The following ACSF2 variants were observed in gnomAD, a reference collection of about 807,000 sequenced individuals.
ACSF2 encodes medium-chain acyl-CoA ligase ACSF2, mitochondrial.
In ACSF2, 52 loss-of-function variants were observed where a neutral mutation model predicts 79.3. The observed-to-expected ratio is 0.66, with a 90% confidence interval of 0.53 to 0.83. ACSF2 has a LOEUF of 0.83. Among genes scored for constraint, ACSF2 ranks in the 40% least tolerant of loss-of-function variants. ACSF2 has a pLI of 0.00. For synonymous variants in ACSF2, 283 were observed against 312.6 expected, an observed-to-expected ratio of 0.91 and a Z score of 1.00; for missense variants, 661 against 803.3, an observed-to-expected ratio of 0.82 and a Z score of 2.14.
At chr17:50,451,078 A>G (rs962205676) in intron 1 of ACSF2, among the ~76,000 whole-genome samples, 3 of 152,168 alleles carry the variant, frequency 2.0e-5, no homozygotes, top group African/African-American at 7.2e-5. Flanking sequence ...CTGGGACTAC[A>G]GGTGTGCACC....
At position 50,473,938 on chromosome 17, in the gene ACSF2, C is replaced by A; in HGVS notation, c.1662C>A (p.Ala554=). ...ATCGGATGGGGGAAGAGATTTGTGC[C>A]TGCATTCGGCTGAAGGACGGGGAGG... ...KDDRMGEEIC[A]CIRLKDGEET... The change falls in exon 14 of 16, where the codon GCC becomes GCA. Residue 554 remains alanine (A), a synonymous_variant. Coordinates refer to ENST00000300441, the MANE Select transcript of ACSF2 (RefSeq NM_025149.6). 1 of 1,564,574 alleles carries A rather than the reference C, an allele frequency of 6.4e-7. No individual in the cohort carries two copies. The highest frequency in any genetic ancestry group is 8.7e-7 in the Non-Finnish European group (1 of 1,153,540).
At chr17:50,461,949 T>C (rs7342933) in intron 4 of ACSF2, among the ~76,000 whole-genome samples, 3 of 150,324 alleles carry the variant, frequency 2.0e-5, no homozygotes, top group Non-Finnish European at 4.4e-5. Context: ...TGTGTGTGTG[T>C]GTGCGTGTGT....
chr17:50,446,870 C>T (rs2031337235), intron 1 of ACSF2, among the ~76,000 whole-genome samples: 1 of 152,048 alleles, frequency 6.6e-6, no homozygotes, highest in Non-Finnish European at 1.5e-5. Flanking sequence ...AATAAGTCAC[C>T]ACTTATTTAT....
chr17:50,441,322 G>A (rs762806527), intron 1 of ACSF2, among the ~76,000 whole-genome samples: 7 of 152,092 alleles, frequency 4.6e-5, no homozygotes, highest in Non-Finnish European at 7.4e-5. Context: ...AGGTATGCAC[G>A]ACCACACCCA....
chr17:50,467,542 CA>C (rs1249657619), intron 10 of ACSF2, among the ~76,000 whole-genome samples: 1 of 152,186 alleles, frequency 6.6e-6, no homozygotes, highest in African/African-American at 2.4e-5. Context: ...CCTCACTCCC[CA>C]GTCCCCCACT....
intron 1 of ACSF2, among the ~76,000 whole-genome samples, chr17:50,438,339 G>A (rs940843552): frequency 6.6e-6 from 1 of 152,186 alleles, no homozygotes; most frequent in Non-Finnish European, 1.5e-5. Flanking sequence ...TCCTATGACT[G>A]TATCTCTAGC....
intron 12 of ACSF2, 179 bp from the exon 13 acceptor site, chr17:50,473,486 A>ACCTCC: frequency 1.3e-6 from 1 of 768,050 alleles, no homozygotes; most frequent in Non-Finnish European, 2.1e-6. Context: ...GTTTTTGTCT[A>ACCTCC]CCTCCCCTCC....
chr17:50,438,674 C>T (rs2030628506), intron 1 of ACSF2, among the ~76,000 whole-genome samples: 2 of 152,134 alleles, frequency 1.3e-5, no homozygotes, highest in Non-Finnish European at 2.9e-5. Context: ...TCAAGAGATG[C>T]TCCTGCCTCA....
chr17:50,464,026 T>C (rs915443132), intron 9 of ACSF2, 117 bp downstream of exon 9: 2 of 412,970 alleles, frequency 4.8e-6, no homozygotes, highest in African/African-American at 7.1e-5. Flanking sequence ...AAGGACGCTG[T>C]AAAAATGTGG....
intron 1 of ACSF2, among the ~76,000 whole-genome samples, chr17:50,456,117 C>T (rs775175962): frequency 6.6e-5 from 10 of 152,176 alleles, no homozygotes; most frequent in Non-Finnish European, 1.3e-4. Context: ...GTGCCCCGTC[C>T]GGAGTCCTGA....
intron 1 of ACSF2, among the ~76,000 whole-genome samples, chr17:50,448,474 C>T (rs114638290): frequency 1.3e-5 from 2 of 152,192 alleles, no homozygotes; most frequent in African/African-American, 4.8e-5. Context: ...ATGTTCTTGT[C>T]ACAGCAAAAC....
At chr17:50,461,781 C>A in intron 4 of ACSF2, 95 bp downstream of exon 4, 1 of 1,469,882 alleles carries the variant, frequency 6.8e-7, no homozygotes, top group Non-Finnish European at 9.5e-7. Context: ...TGAGCTAGGG[C>A]ATGCATAGGC....
chr17:50,436,858 C>G (rs2030472402), intron 1 of ACSF2, among the ~76,000 whole-genome samples: 1 of 151,802 alleles, frequency 6.6e-6, no homozygotes, highest in Non-Finnish European at 1.5e-5. Flanking sequence ...TTATTTGTCA[C>G]AACAGCACCT....
chr17:50,450,873 G>A (rs2031628230), intron 1 of ACSF2: 1 of 152,180 alleles, frequency 6.6e-6, no homozygotes. Context: ...CTGGACATTT[G>A]GTTTGTTTCC....
chr17:50,429,513 C>T (rs1316380863), intron 1 of ACSF2, among the ~76,000 whole-genome samples: 1 of 148,306 alleles, frequency 6.7e-6, no homozygotes, highest in Non-Finnish European at 1.5e-5. Context: ...CAGAGTCTTT[C>T]TCTTTTTCTT....
Position 50,454,474 on chromosome 17 carries a change from C to T in ACSF2, c.129-6203C>T, listed in dbSNP as rs2031871607. 2.0e-5 allele frequency among the ~76,000 whole-genome samples: 3 copies of T among 152,166 alleles called. No homozygotes were observed. In the South Asian group the frequency reaches 6.2e-4, roughly 32 times the overall value. The stretch of plus-strand genomic sequence containing the variant: ...GTGGTAGCTCCTGCTGTCCAGGCGT[C>T]AGGCTCCTCTCTTGTTGCTCTGTGG... On this transcript the variant is annotated intron_variant, in intron 1 of 15. Coordinates refer to ENST00000300441, the MANE Select transcript of ACSF2 (RefSeq NM_025149.6).
At position 50,471,503 on chromosome 17, in the gene ACSF2, C is replaced by T. The variant is rs2033120911; in HGVS notation, c.1323+368C>T. ...CTTCTTTTCCTCCAGTGGTGCTCGC[C>T]TCTCGCTTTAGCAGAGTTCTTCTTC... On this transcript the variant is annotated intron_variant, in intron 11 of 15. Coordinates refer to ENST00000300441, the MANE Select transcript of ACSF2 (RefSeq NM_025149.6). The surrounding 1 kb of genome is among the most constrained non-coding windows in gnomAD (Gnocchi z 4.1). The T allele has an allele frequency of 3.6e-6, 1 of 275,090 alleles. No homozygotes were observed. The highest frequency in any genetic ancestry group is 7.6e-5 in the East Asian group (1 of 13,226). The allele number at this position is 275,090 out of a possible 1,614,324, so 17.0% of individuals were successfully genotyped here.
intron 10 of ACSF2, chr17:50,468,279 A>T (rs1393406572): frequency 6.2e-7 from 1 of 1,611,424 alleles, no homozygotes; most frequent in Non-Finnish European, 8.5e-7. Flanking sequence ...GCGTTTTCCG[A>T]CAGGTAGAGC....
chr17:50,429,307 C>T (rs114988479), intron 1 of ACSF2, among the ~76,000 whole-genome samples: 170 of 152,276 alleles, frequency 1.1e-3, no homozygotes, highest in African/African-American at 4.0e-3. Flanking sequence ...GGGCTGATCC[C>T]TGGAAACCCT....
Sources: gnomAD v4.1 joint callset for allele counts (sites outside exome capture counted in the v4.1 genomes callset) on GRCh38, gnomAD v4.1.1 for gene constraint, Gnocchi (gnomAD v3.1) non-coding constraint, MANE v1.5 for transcripts, NCBI Gene and HGNC (gene_info 2026-07-23, HGNC 2026-07-21) for gene names.